The following KCNQ1 variants were observed in gnomAD, a reference collection of about 807,000 sequenced individuals.
KCNQ1 encodes potassium voltage-gated channel subfamily KQT member 1.
Under a neutral mutation model 72.4 loss-of-function variants are expected in KCNQ1, and 49 were observed. The ratio of observed to expected loss-of-function variants is 0.68; its 90% CI spans 0.54 to 0.86. The LOEUF (loss-of-function observed/expected upper bound fraction) is 0.86, where lower values mean the gene tolerates loss of function less well. KCNQ1 is among the 40% of genes least tolerant of loss of function. KCNQ1 has a pLI of 0.00. For missense variants in KCNQ1, 790 were observed against 945.1 expected (o/e 0.84, Z 2.15); for synonymous variants, 450 against 412.6 (o/e 1.09, Z -1.10).
At position 2,642,082 on chromosome 11, in the gene KCNQ1, C is replaced by A; in HGVS notation, c.1394-19879C>A. The stretch of plus-strand genomic sequence containing the variant: ...TGCATCCAACTTTGTTATTTTTGCT[C>A]AGAATTGCTGTGGCTATTCCAGCTC... On this transcript the variant is annotated intron_variant, in intron 10 of 15. Transcript: ENST00000155840. The surrounding 1 kb of genome is among the most constrained non-coding windows in gnomAD (Gnocchi z 4.3). The A allele has an allele frequency of 2.5e-6, 1 of 398,302 alleles. No individual in the cohort carries two copies. Among genetic ancestry groups the A allele is most frequent in the South Asian group, 1.3e-4 (1 of 7,838 alleles). 24.7% of individuals were successfully genotyped at this position (398,302 alleles called of 1,614,324 possible). A position where few individuals can be genotyped will look rare whatever the true frequency, so the allele number is the denominator to read the frequency against.
rs750303369 is a variant in KCNQ1, at chr11:2,658,095, C to G, written c.1394-3866C>G. 3 of 398,422 alleles carry G rather than the reference C, an allele frequency of 7.5e-6. No individual in the cohort carries two copies. The highest frequency in any genetic ancestry group is 2.1e-5 in the African/African-American group (1 of 48,592). The allele number at this position is 398,422 out of a possible 1,614,324, so 24.7% of individuals were successfully genotyped here. ...GGAAGGGAGGGGTTCAACTCTACCT[C>G]CTGCAGGAGAGTATCAAAAAAAATC... On this transcript the variant is annotated intron_variant, in intron 10 of 15. Transcript: ENST00000155840. This position sits in a 1 kb window ranked among gnomAD's most constrained non-coding sequence, Gnocchi z 4.9.
intron 1 of KCNQ1, among the ~76,000 whole-genome samples, chr11:2,522,508 C>A (rs550424900): frequency 6.6e-6 from 1 of 152,314 alleles, no homozygotes; most frequent in South Asian, 2.1e-4. Context: ...AGGGCAGGGA[C>A]CCCAGCTCGG....
intron 15 of KCNQ1, among the ~76,000 whole-genome samples, chr11:2,836,635 C>T (rs1848070809): frequency 6.6e-6 from 1 of 152,210 alleles, no homozygotes; most frequent in South Asian, 2.1e-4. Flanking sequence ...GCACAGCCGT[C>T]CCAGGAGCCA....
At chr11:2,527,037 G>A (rs571339120) in intron 1 of KCNQ1, among the ~76,000 whole-genome samples, 14 of 152,286 alleles carry the variant, frequency 9.2e-5, no homozygotes, top group East Asian at 5.8e-4. Flanking sequence ...AAGGCCGGGC[G>A]GGCCCTGGAG....
Position 2,478,236 on chromosome 11 carries a change from A to C in KCNQ1, c.386+32752A>C, listed in dbSNP as rs1332010078. ...TACTTTGAAAATGCCAGGGCCAAAAAACGTAGAAGGCTAAATAAAGTACCG... is the reference window on the plus strand; with the variant it reads ...TACTTTGAAAATGCCAGGGCCAAAACACGTAGAAGGCTAAATAAAGTACCG... On this transcript the variant is annotated intron_variant, in intron 1 of 15. Coordinates refer to ENST00000155840, the MANE Select transcript of KCNQ1 (RefSeq NM_000218.3). The surrounding 1 kb of genome is among the most constrained non-coding windows in gnomAD (Gnocchi z 4.0). Among the ~76,000 whole-genome samples the C allele has an allele frequency of 2.0e-5, 3 of 152,202 alleles. No homozygotes were observed. Among genetic ancestry groups the C allele is most frequent in the Non-Finnish European group, 4.4e-5 (3 of 68,038 alleles).
In KCNQ1 at chr11:2,667,054, C is replaced by T. The variant is rs141893090; in HGVS notation, c.1514+4973C>T. The T allele has an allele frequency of 8.2e-4, 328 of 398,646 alleles. 1 individual carries two copies. Among genetic ancestry groups the T allele is most frequent in the African/African-American group, 5.6e-3 (271 of 48,744 alleles). The allele number at this position is 398,646 out of a possible 1,614,324, so 24.7% of individuals were successfully genotyped here. A position where few individuals can be genotyped will look rare whatever the true frequency, so the allele number is the denominator to read the frequency against. On this transcript the variant is annotated intron_variant, in intron 11 of 15. Transcript: ENST00000155840. Reference sequence around the variant, plus strand: ...ACATAGCCCCAGCCAGGCTCAAACCCGTCTCTGAAATGCACGGGGGGATTA... The same window carrying T: ...ACATAGCCCCAGCCAGGCTCAAACCTGTCTCTGAAATGCACGGGGGGATTA...
intron 11 of KCNQ1, among the ~76,000 whole-genome samples, chr11:2,741,268 T>C (rs1215907613): frequency 6.6e-6 from 1 of 152,130 alleles, no homozygotes; most frequent in Non-Finnish European, 1.5e-5. Flanking sequence ...GGTTTGACTT[T>C]TACTCTGCCG....
chr11:2,622,478 T>C (rs545298494), intron 10 of KCNQ1: 1 of 398,468 alleles, frequency 2.5e-6, no homozygotes, highest in African/African-American at 2.1e-5. Flanking sequence ...CATAGGTTGA[T>C]GGTTTTCTTT....
intron 1 of KCNQ1, among the ~76,000 whole-genome samples, chr11:2,454,110 A>T (rs1846151650): frequency 6.6e-6 from 1 of 151,880 alleles, no homozygotes. Context: ...AGTGAATAAA[A>T]ATATAGCAGC....
At chr11:2,775,048 A>G (rs1032490979) in intron 12 of KCNQ1, among the ~76,000 whole-genome samples, 1 of 152,114 alleles carries the variant, frequency 6.6e-6, no homozygotes, top group African/African-American at 2.4e-5. Context: ...AATGATGACT[A>G]CCCTGGGCCT....
chr11:2,587,018 C>T (rs1848601722), intron 8 of KCNQ1, among the ~76,000 whole-genome samples: 2 of 152,138 alleles, frequency 1.3e-5, no homozygotes, highest in Admixed American at 1.3e-4. Flanking sequence ...AGAGCTGCAC[C>T]CATGTGCCAT....
rs754487795 is a variant in KCNQ1, at chr11:2,698,467, C to G, written c.1514+36386C>G. 2.3e-5 allele frequency: 9 copies of G among 398,444 alleles called. No individual in the cohort carries two copies. Among genetic ancestry groups the G allele is most frequent in the Admixed American group, 4.4e-5 (1 of 22,718 alleles). The allele number at this position is 398,444 out of a possible 1,614,324, so 24.7% of individuals were successfully genotyped here. ...AGACCTGCATCTGATCAACTCTCATCTCCAATATGACCAAGAGACTTCTAC... is the reference window on the plus strand; with the variant it reads ...AGACCTGCATCTGATCAACTCTCATGTCCAATATGACCAAGAGACTTCTAC... On this transcript the variant is annotated intron_variant, in intron 11 of 15. Coordinates refer to ENST00000155840, the MANE Select transcript of KCNQ1 (RefSeq NM_000218.3). The surrounding 1 kb of genome is among the most constrained non-coding windows in gnomAD (Gnocchi z 5.1).
At chr11:2,577,980 G>GGCCCTGTCCT (rs372402841) in intron 6 of KCNQ1, among the ~76,000 whole-genome samples, 1 of 152,152 alleles carries the variant, frequency 6.6e-6, no homozygotes, top group East Asian at 1.9e-4. Context: ...AGGTCAGTGG[G>GGCCCTGTCCT]GCCCTGTCCT....
chr11:2,581,954 C>A (rs1848505256), intron 6 of KCNQ1, among the ~76,000 whole-genome samples: 1 of 152,206 alleles, frequency 6.6e-6, no homozygotes, highest in South Asian at 2.1e-4. Flanking sequence ...GGGAGGTAGC[C>A]TGCAAGCAGC....
At position 2,458,714 on chromosome 11, in the gene KCNQ1, T is replaced by C. The variant is rs1846231991; in HGVS notation, c.386+13230T>C. Among the ~76,000 whole-genome samples, 1 of 152,166 alleles carries C rather than the reference T, an allele frequency of 6.6e-6. No homozygotes were observed. ...ATCGATCTCACCAAGCCTCGTGCTC[T>C]AAGTACAAGTTTACTGGAAATACTC... On this transcript the variant is annotated intron_variant, in intron 1 of 15. Coordinates refer to ENST00000155840, the MANE Select transcript of KCNQ1 (RefSeq NM_000218.3). This position sits in a 1 kb window ranked among gnomAD's most constrained non-coding sequence, Gnocchi z 4.6.
chr11:2,698,336 C>G lies in KCNQ1; in HGVS notation c.1514+36255C>G. The stretch of plus-strand genomic sequence containing the variant: ...CAGAACAGTGCTGTGGGAAGGCACT[C>G]TTACTCTCAATTTTATATAAAAGGC... On this transcript the variant is annotated intron_variant, in intron 11 of 15. Transcript: ENST00000155840. The surrounding 1 kb of genome is among the most constrained non-coding windows in gnomAD (Gnocchi z 5.1). The G allele has an allele frequency of 2.5e-6, 1 of 398,596 alleles. No homozygotes were observed. The highest frequency in any genetic ancestry group is 6.3e-4 in the Middle Eastern group (1 of 1,588). The allele number at this position is 398,596 out of a possible 1,614,324, so 24.7% of individuals were successfully genotyped here.
chr11:2,709,315 G>A (rs984616572), intron 11 of KCNQ1, among the ~76,000 whole-genome samples: 8 of 141,828 alleles, frequency 5.6e-5, no homozygotes, highest in Admixed American at 1.5e-4. Flanking sequence ...CCTGGGAACC[G>A]TGCAGCAAGA....
At chr11:2,718,106 G>GCC (rs1280677343) in intron 11 of KCNQ1, among the ~76,000 whole-genome samples, 1 of 152,190 alleles carries the variant, frequency 6.6e-6, no homozygotes, top group East Asian at 1.9e-4. Context: ...ACACCCGCGT[G>GCC]CCCCGTCCTG....
At chr11:2,660,382 ACCTT>A (rs1849930366) in intron 10 of KCNQ1, 3 of 398,430 alleles carry the variant, frequency 7.5e-6, no homozygotes, top group Admixed American at 4.4e-5. Context: ...ATGTGGGAAA[ACCTT>A]CCTTTTTTAT....
Sources: allele counts gnomAD v4.1 joint callset (sites outside exome capture counted in the v4.1 genomes callset), GRCh38; gene constraint gnomAD v4.1.1; non-coding constraint Gnocchi (gnomAD v3.1); transcripts MANE v1.5; gene names NCBI Gene and HGNC (gene_info 2026-07-23, HGNC 2026-07-21).